Variants in USP32 observed in about 807,000 individuals in gnomAD.
USP32 encodes ubiquitin specific peptidase 32.
USP32 carries 59 observed loss-of-function variants against 204.8 expected under a neutral mutation model. That is an observed-to-expected ratio of 0.29 (90% CI 0.23 to 0.36). USP32 has a LOEUF of 0.36. Among genes scored for constraint, USP32 ranks in the 10% least tolerant of loss-of-function variants. The pLI, the probability that USP32 is intolerant of heterozygous loss-of-function variation, is 1.00. For synonymous variants in USP32, 517 were observed against 678.4 expected, an observed-to-expected ratio of 0.76 and a Z score of 3.70; for missense variants, 1,160 against 1,946.4, an observed-to-expected ratio of 0.60 and a Z score of 7.60.
At chr17:60,301,853 T>C (rs942404359) in intron 2 of USP32, 149 bp from the exon 3 acceptor site, 69 of 629,174 alleles carry the variant, frequency 1.1e-4, no homozygotes, top group Non-Finnish European at 1.8e-4. Flanking sequence ...TCCCTCTTCT[T>C]CCTCTTTTGG....
At chr17:60,223,632 A>T (rs1004051224) in intron 13 of USP32, 46 bp from the exon 14 acceptor site, 3 of 1,531,702 alleles carry the variant, frequency 2.0e-6, no homozygotes, top group Non-Finnish European at 2.6e-6. Context: ...TAGTTATTAT[A>T]CATAAACAGG....
chr17:60,380,615 C>T (rs1381748316), intron 1 of USP32, among the ~76,000 whole-genome samples: 1 of 152,076 alleles, frequency 6.6e-6, no homozygotes, highest in Non-Finnish European at 1.5e-5. Context: ...TAATAATTAG[C>T]CCACTTAATG....
chr17:60,253,992 C>T (rs1027207560), intron 10 of USP32, among the ~76,000 whole-genome samples: 1 of 152,082 alleles, frequency 6.6e-6, no homozygotes, highest in Non-Finnish European at 1.5e-5. Context: ...GTCATTAACT[C>T]TCAGGAAGAG....
intron 2 of USP32, 79 bp downstream of exon 2, chr17:60,345,402 G>A (rs1041917927): frequency 1.3e-6 from 2 of 1,564,088 alleles, no homozygotes; most frequent in Non-Finnish European, 1.7e-6. Flanking sequence ...AATCTGTTAA[G>A]AGCAGAAGGC....
intron 2 of USP32, among the ~76,000 whole-genome samples, chr17:60,310,045 G>GA (rs151127410): frequency 0.046 from 6,622 of 145,098 alleles, 523 homozygotes; most frequent in African/African-American, 0.16. Context: ...CTCCATCAAG[G>GA]AAAAAAAAAA....
chr17:60,197,171 ATCTG>A lies in USP32; in HGVS notation c.3434+1085_3434+1088del, dbSNP rs56154214. On this transcript the variant is annotated intron_variant, in intron 27 of 33. Transcript: ENST00000300896. ...CTCCAGCCTGGGTGACAAATTAAGA[ATCTG>A]TCTCAAAAAAAAAAAAGATGTATTT... is the stretch of plus-strand genomic sequence containing the variant. Among the ~76,000 whole-genome samples, 348 of 151,988 alleles carry A rather than the reference ATCTG, an allele frequency of 2.3e-3. 3 individuals are homozygous for A. The highest frequency in any genetic ancestry group is 3.3e-3 in the Non-Finnish European group (225 of 67,950).
In USP32 at chr17:60,301,628, G is replaced by A. The variant is rs1023710951; in HGVS notation, c.263C>T (p.Thr88Ile). ...NNLIVGLVLL[T>I]RGKDEEKAKY... is the part of the protein sequence containing the mutation. Reference sequence around the variant, plus strand: ...TGCTTTCTCTTCATCTTTGCCTCTTGTAAGGAGGACAAGTCCAACTATTAA... The same window carrying A: ...TGCTTTCTCTTCATCTTTGCCTCTTATAAGGAGGACAAGTCCAACTATTAA... The change falls in exon 3 of 34, where the codon ACA becomes ATA. Residue 88 changes from threonine to isoleucine, a missense_variant. Transcript: ENST00000300896. 1 of 1,593,638 alleles carries A rather than the reference G, an allele frequency of 6.3e-7. No homozygotes were observed. The highest frequency in any genetic ancestry group is 2.3e-5 in the East Asian group (1 of 44,042).
chr17:60,351,894 G>C (rs569597360), intron 1 of USP32, among the ~76,000 whole-genome samples: 13 of 152,142 alleles, frequency 8.5e-5, no homozygotes, highest in Admixed American at 6.5e-4. Flanking sequence ...TTCCAAAATA[G>C]GGAATAATTA....
chr17:60,312,963 G>T (rs1156353773), intron 2 of USP32, among the ~76,000 whole-genome samples: 19 of 151,948 alleles, frequency 1.3e-4, no homozygotes, highest in Admixed American at 1.2e-3. Flanking sequence ...AAGCTCTGTG[G>T]CTGGGCACGG....
chr17:60,388,852 A>C (rs2089778789), intron 1 of USP32, among the ~76,000 whole-genome samples: 2 of 152,230 alleles, frequency 1.3e-5, no homozygotes, highest in African/African-American at 4.8e-5. Flanking sequence ...AATGTAACTG[A>C]AGTCACTAGA....
At chr17:60,388,060 T>G (rs1303258318) in intron 1 of USP32, among the ~76,000 whole-genome samples, 6 of 152,096 alleles carry the variant, frequency 3.9e-5, no homozygotes. Flanking sequence ...ATTTCCTTAG[T>G]GCCTAATTCA....
chr17:60,291,707 A>C (rs572008573), intron 4 of USP32, among the ~76,000 whole-genome samples: 1 of 152,162 alleles, frequency 6.6e-6, no homozygotes, highest in Non-Finnish European at 1.5e-5. Context: ...CAAATAAATC[A>C]AATAGTTGAA....
chr17:60,371,568 CA>C lies in USP32; in HGVS notation c.58+20313del, dbSNP rs541521928. Among the ~76,000 whole-genome samples, 860 of 128,752 alleles carry C rather than the reference CA, an allele frequency of 6.7e-3. 11 individuals are homozygous for C. The highest frequency in any genetic ancestry group is 0.019 in the African/African-American group (680 of 35,042). The allele number at this position is 128,752 out of a possible 152,430, so 84.5% of individuals were successfully genotyped here. A position where few individuals can be genotyped will look rare whatever the true frequency, so the allele number is the denominator to read the frequency against. On this transcript the variant is annotated intron_variant, in intron 1 of 33. Transcript: ENST00000300896. ...TGGGCAACAGAGCAAGATTCTGTCT[CA>C]AAAAAAAAAAAAATTAAATGAAACA...
At chr17:60,213,482 T>C (rs1207447844) in intron 18 of USP32, 99 bp downstream of exon 18, 18 of 573,914 alleles carry the variant, frequency 3.1e-5, no homozygotes, top group East Asian at 2.8e-4. Flanking sequence ...AATAATCAAA[T>C]AATAGTTGTT....
In USP32 at chr17:60,288,449, C is replaced by T. The variant is rs946912888; in HGVS notation, c.571+74G>A. 2.0e-6 allele frequency: 3 copies of T among 1,476,322 alleles called. No homozygotes were observed. In the East Asian group the frequency reaches 6.9e-5, roughly 34 times the overall value. The allele number at this position is 1,476,322 out of a possible 1,614,324, so 91.5% of individuals were successfully genotyped here. On this transcript the variant is annotated intron_variant, in intron 5 of 33. Transcript: ENST00000300896. ...TTTAAATAAATTTCTCCTTTATAAG[C>T]ATATTCTCATATTACCAGCCAATTA...
At chr17:60,384,805 A>C (rs1370017975) in intron 1 of USP32, among the ~76,000 whole-genome samples, 3 of 152,000 alleles carry the variant, frequency 2.0e-5, no homozygotes, top group African/African-American at 7.2e-5. Flanking sequence ...AAAAAAAAAA[A>C]ATCCCTAAAA....
At chr17:60,413,691 C>G (rs2090036174) in intron 1 of USP32, among the ~76,000 whole-genome samples, 1 of 151,190 alleles carries the variant, frequency 6.6e-6, no homozygotes, top group African/African-American at 2.4e-5. Context: ...ATAGTGAAAC[C>G]CTGTCTCTAC....
chr17:60,370,692 G>A (rs1290026608), intron 1 of USP32, among the ~76,000 whole-genome samples: 3 of 150,930 alleles, frequency 2.0e-5, no homozygotes, highest in Non-Finnish European at 4.4e-5. Flanking sequence ...AGCCCGAGAG[G>A]TCGAGGCTAC....
At chr17:60,255,121 T>A in intron 10 of USP32, 54 bp downstream of exon 10, 1 of 1,309,318 alleles carries the variant, frequency 7.6e-7, no homozygotes, top group Non-Finnish European at 1.1e-6. Context: ...ATGGAAAAGA[T>A]GTAGAAGTAC....
Sources: gnomAD v4.1 joint callset for allele counts (sites outside exome capture counted in the v4.1 genomes callset) on GRCh38, gnomAD v4.1.1 for gene constraint, MANE v1.5 for transcripts, NCBI Gene and HGNC (gene_info 2026-07-23, HGNC 2026-07-21) for gene names.